The following KTN1 variants were observed in gnomAD, a reference collection of about 807,000 sequenced individuals.
KTN1 encodes kinectin 1.
KTN1 carries 130 observed loss-of-function variants against 222.5 expected under a neutral mutation model. That is an observed-to-expected ratio of 0.58 (90% confidence interval 0.51 to 0.68). The LOEUF (loss-of-function observed/expected upper bound fraction) is 0.68, where lower values mean the gene tolerates loss of function less well. Among genes scored for constraint, KTN1 ranks in the 30% least tolerant of loss-of-function variants. KTN1 has a pLI of 0.00. For missense variants in KTN1, 1,508 were observed against 1,500.4 expected, an observed-to-expected ratio of 1.01 and a Z score of -0.08; for synonymous variants, 512 against 496.3, an observed-to-expected ratio of 1.03 and a Z score of -0.42.
chr14:55,626,475 CCA>C (rs1222283447), intron 5 of KTN1, among the ~76,000 whole-genome samples: 4 of 152,096 alleles, frequency 2.6e-5, no homozygotes, highest in Non-Finnish European at 5.9e-5. Flanking sequence ...AGATTTTTAA[CCA>C]CAGTTTTTTC....
chr14:55,639,939 A>G lies in KTN1; in HGVS notation c.1850A>G (p.Lys617Arg), dbSNP rs747644634. Residue 617 changes from lysine (K) to arginine (R), a missense_variant, in exon 14 of 44, where the codon AAA (lysine) becomes AGA (arginine). Transcript: ENST00000395314. Reference protein sequence around the residue: ...KVIAEKDKQIKQTEDSLASER... With the variant: ...KVIAEKDKQIRQTEDSLASER... ...ATTGCAGAAAAGGATAAGCAGATAA[A>G]ACAGACTGAAGATTCTTTAGCAAGT... 3.1e-6 allele frequency: 5 copies of G among 1,607,144 alleles called. No individual in the cohort carries two copies. The Admixed American group carries it at 6.7e-5, about 21-fold the overall frequency.
At position 55,637,791 on chromosome 14, in the gene KTN1, C is replaced by G; in HGVS notation, c.1729C>G (p.Gln577Glu). ...LQMQVQDILE[Q>E]NEALKAQIQQ... ...CTATTTATGAAAGGATATTTTGGAG[C>G]AGAATGAGGCTTTGAAAGCTCAAAT... is the stretch of plus-strand genomic sequence containing the variant. Residue 577 changes from glutamine (Q) to glutamate (E), a missense_variant, in exon 12 of 44, where the codon CAG becomes GAG. Transcript: ENST00000395314. 1.2e-6 allele frequency: 2 copies of G among 1,608,286 alleles called. No individual in the cohort carries two copies. The highest frequency in any genetic ancestry group is 1.7e-6 in the Non-Finnish European group (2 of 1,176,600).
intron 31 of KTN1, among the ~76,000 whole-genome samples, chr14:55,659,968 ATACTT>A (rs1420384979): frequency 6.6e-6 from 1 of 152,220 alleles, no homozygotes; most frequent in African/African-American, 2.4e-5. Context: ...AAGTTAAACT[ATACTT>A]TGCAGGGTTT....
chr14:55,610,253 T>C (rs1348622345), intron 1 of KTN1, among the ~76,000 whole-genome samples: 3 of 152,164 alleles, frequency 2.0e-5, no homozygotes, highest in Non-Finnish European at 4.4e-5. Context: ...AATCTAAGCA[T>C]GCTGGAAGTC....
chr14:55,670,396 TC>T (rs2045334956), intron 34 of KTN1, among the ~76,000 whole-genome samples: 1 of 152,084 alleles, frequency 6.6e-6, no homozygotes, highest in Non-Finnish European at 1.5e-5. Flanking sequence ...AGATTATTTG[TC>T]CTGGTGCTAG....
intron 29 of KTN1, among the ~76,000 whole-genome samples, chr14:55,658,254 T>G (rs1179194848): frequency 6.6e-6 from 1 of 152,186 alleles, no homozygotes. Flanking sequence ...ACCCAAAATG[T>G]TACTAGAGTT....
intron 6 of KTN1, 79 bp downstream of exon 6, chr14:55,628,107 G>A (rs1185107058): frequency 2.3e-6 from 2 of 867,000 alleles, no homozygotes; most frequent in East Asian, 2.6e-5. Flanking sequence ...TCCATAATCA[G>A]TAGTTTAATT....
chr14:55,669,065 A>G (rs1295418319), intron 34 of KTN1, among the ~76,000 whole-genome samples: 1 of 150,750 alleles, frequency 6.6e-6, no homozygotes, highest in African/African-American at 2.4e-5. Context: ...AATATATTCA[A>G]TTTTTTTTTC....
intron 1 of KTN1, among the ~76,000 whole-genome samples, chr14:55,593,728 T>C (rs2034552978): frequency 6.6e-6 from 1 of 152,156 alleles, no homozygotes; most frequent in Non-Finnish European, 1.5e-5. Flanking sequence ...TGCTATGACA[T>C]TGGATGTTTT....
intron 41 of KTN1, among the ~76,000 whole-genome samples, chr14:55,676,607 A>G (rs748259515): frequency 1.3e-5 from 2 of 152,194 alleles, no homozygotes; most frequent in Non-Finnish European, 2.9e-5. Flanking sequence ...ACCCAACAGT[A>G]GTAATTTATA....
At chr14:55,673,677 A>T (rs2045645711) in intron 40 of KTN1, 1 of 153,820 alleles carries the variant, frequency 6.5e-6, no homozygotes, top group Non-Finnish European at 1.4e-5. Flanking sequence ...CATATTCTTC[A>T]TTCAAGGGCA....
chr14:55,613,408 T>C (rs2037881270), intron 2 of KTN1, among the ~76,000 whole-genome samples: 1 of 152,160 alleles, frequency 6.6e-6, no homozygotes, highest in South Asian at 2.1e-4. Flanking sequence ...TGTGTGAAAC[T>C]GTAAACAGTT....
chr14:55,681,544 CT>C (rs1302000764), intron 43 of KTN1: 1 of 151,952 alleles, frequency 6.6e-6, no homozygotes, highest in Non-Finnish European at 1.5e-5. Context: ...GATAATAACA[CT>C]TTTTCTTTTT....
chr14:55,596,761 A>G (rs1012787360), intron 1 of KTN1, among the ~76,000 whole-genome samples: 5 of 151,374 alleles, frequency 3.3e-5, no homozygotes, highest in African/African-American at 1.2e-4. Context: ...TTTTTTGCTT[A>G]GGTTTCCTAT....
chr14:55,631,410 A>G (rs572710756), intron 7 of KTN1, among the ~76,000 whole-genome samples: 136 of 146,692 alleles, frequency 9.3e-4, no homozygotes, highest in Admixed American at 1.9e-3. Flanking sequence ...GATGTTTTTA[A>G]TATTTTGAGG....
chr14:55,644,945 T>A (rs567494153), intron 18 of KTN1, among the ~76,000 whole-genome samples: 1 of 152,298 alleles, frequency 6.6e-6, no homozygotes, highest in South Asian at 2.1e-4. Flanking sequence ...AATACTTATT[T>A]ACTAGTTGAG....
At chr14:55,610,356 T>TA (rs3059141) in intron 1 of KTN1, among the ~76,000 whole-genome samples, 107 of 150,764 alleles carry the variant, frequency 7.1e-4, no homozygotes, top group African/African-American at 2.3e-3. Context: ...AACAATTGGT[T>TA]AAAAAAAAAA....
At chr14:55,614,644 A>G (rs1468266459) in intron 2 of KTN1, among the ~76,000 whole-genome samples, 1 of 152,220 alleles carries the variant, frequency 6.6e-6, no homozygotes, top group African/African-American at 2.4e-5. Context: ...AAATCTCAGT[A>G]CTCATAAAGT....
rs560348589 is a variant in KTN1, at chr14:55,588,509, A to G, written c.-31+8155A>G. The stretch of plus-strand genomic sequence containing the variant: ...AAATGATGAAAAATATGCGAGAACT[A>G]TGATCACTTTTTACTGTGATACTGT... On this transcript the variant is annotated intron_variant, in intron 1 of 43. Coordinates refer to ENST00000395314, the MANE Select transcript of KTN1 (RefSeq NM_001079521.2). Among the ~76,000 whole-genome samples, 25 of 152,324 alleles carry G rather than the reference A, an allele frequency of 1.6e-4. 1 individual carries two copies. The highest frequency in any genetic ancestry group is 2.6e-4 in the Admixed American group (4 of 15,294).
Sources: gnomAD v4.1 joint callset for allele counts (sites outside exome capture counted in the v4.1 genomes callset) on GRCh38, gnomAD v4.1.1 for gene constraint, MANE v1.5 for transcripts, NCBI Gene and HGNC (gene_info 2026-07-23, HGNC 2026-07-21) for gene names.